WIPF3: variants seen among roughly 807,000 people sequenced by gnomAD.
WIPF3 encodes the protein WAS/WASL interacting protein family member 3, also known as WAS/WASL-interacting protein family member 3.
A neutral mutation model predicts 38.9 loss-of-function variants in WIPF3; 33 were observed. The ratio of observed to expected loss-of-function variants is 0.85; its 90% confidence interval spans 0.64 to 1.14. The LOEUF (loss-of-function observed/expected upper bound fraction) is 1.14, where lower values mean the gene tolerates loss of function less well. Among genes scored for constraint, WIPF3 ranks in the 50% most tolerant of loss-of-function variants. WIPF3 has a pLI of 0.00. For missense variants in WIPF3, 711 were observed against 652.5 expected (o/e 1.09, Z -0.98); for synonymous variants, 324 against 269.3 (o/e 1.20, Z -1.99).
At chr7:29,851,317 G>A (rs1284288018) in intron 2 of WIPF3, among the ~76,000 whole-genome samples, 1 of 152,084 alleles carries the variant, frequency 6.6e-6, no homozygotes, top group Non-Finnish European at 1.5e-5. Context: ...CCTTGGCTCG[G>A]CCACAAGCAA....
rs1562773456 is a variant in WIPF3 at position 29,834,757 on chromosome 7, G to A, written c.33G>A (p.Leu11=). The A allele has an allele frequency of 1.3e-5, 18 of 1,342,518 alleles. No individual in the cohort carries two copies. The highest frequency in any genetic ancestry group is 1.4e-5 in the Non-Finnish European group (15 of 1,043,374). 83.2% of individuals were successfully genotyped at this position (1,342,518 alleles called of 1,614,324 possible). A position where few individuals can be genotyped will look rare whatever the true frequency, so the allele number is the denominator to read the frequency against. The part of the protein sequence containing the change: MPVPPPPPPP[L]PPPPPPLGAP... ...TGCCACCGCCACCCCCACCTCCTCT[G>A]CCTCCACCTCCCCCGCCTCTGGGGG... Residue 11 remains leucine (L), a synonymous_variant, in exon 2 of 9, where the codon CTG becomes CTA. Coordinates refer to ENST00000242140, the MANE Select transcript of WIPF3 (RefSeq NM_001080529.3).
Position 29,809,384 on chromosome 7 carries a change from T to C in WIPF3, c.-58+2706T>C, listed in dbSNP as rs1223602493. Among the ~76,000 whole-genome samples the C allele has an allele frequency of 3.3e-5, 5 of 152,196 alleles. 1 individual carries two copies. The highest frequency in any genetic ancestry group is 1.2e-4 in the African/African-American group (5 of 41,456). On this transcript the variant is annotated intron_variant, in intron 1 of 8. Transcript: ENST00000242140. ...CGAGCATGGTTCTGCATCACAAAGTTATCTTTAGGCAAGTTTGCCTTGTCA... is the reference window on the plus strand; with the variant it reads ...CGAGCATGGTTCTGCATCACAAAGTCATCTTTAGGCAAGTTTGCCTTGTCA...
chr7:29,872,680 C>T (rs1283220373), intron 2 of WIPF3, among the ~76,000 whole-genome samples: 1 of 151,328 alleles, frequency 6.6e-6, no homozygotes, highest in African/African-American at 2.4e-5. Flanking sequence ...CCTGTAGTCC[C>T]AGCAACTCGG....
chr7:29,818,379 G>C (rs2128062276), intron 1 of WIPF3, among the ~76,000 whole-genome samples: 1 of 151,870 alleles, frequency 6.6e-6, no homozygotes, highest in African/African-American at 2.4e-5. Context: ...CTTGAACCTG[G>C]GAGATGGAGG....
chr7:29,866,367 G>T (rs971509560), intron 2 of WIPF3, among the ~76,000 whole-genome samples: 1 of 152,172 alleles, frequency 6.6e-6, no homozygotes, highest in African/African-American at 2.4e-5. Context: ...CCTGCATTTT[G>T]CCCTGCAGCC....
chr7:29,815,855 C>G (rs1297838443), intron 1 of WIPF3, among the ~76,000 whole-genome samples: 1 of 152,130 alleles, frequency 6.6e-6, no homozygotes, highest in African/African-American at 2.4e-5. Flanking sequence ...CCTAGTGCAC[C>G]TGGTCAGTCG....
intron 6 of WIPF3, among the ~76,000 whole-genome samples, chr7:29,888,495 G>A (rs748581635): frequency 0.078 from 2,966 of 37,896 alleles, 33 homozygotes; most frequent in South Asian, 0.34. Context: ...GTGTGTGTGC[G>A]TGTGCGTGTG....
At chr7:29,817,507 A>G (rs998719177) in intron 1 of WIPF3, among the ~76,000 whole-genome samples, 1 of 152,086 alleles carries the variant, frequency 6.6e-6, no homozygotes, top group East Asian at 1.9e-4. Flanking sequence ...ATTCCTTGCA[A>G]TTTAATGTAA....
chr7:29,884,184 T>A lies in WIPF3; in HGVS notation c.690T>A (p.Pro230=). Residue 230 remains proline (P), a synonymous_variant, in exon 5 of 9, where the codon CCT becomes CCA. Coordinates refer to ENST00000242140, the MANE Select transcript of WIPF3 (RefSeq NM_001080529.3). Reference sequence around the variant, plus strand: ...CGCCACCACCTCCACCTCCGCCACCTCCCCCAACGCCACCCCCGCTGCCCC... The same window carrying A: ...CGCCACCACCTCCACCTCCGCCACCACCCCCAACGCCACCCCCGCTGCCCC... The part of the protein sequence containing the change: ...PCAPPPPPPP[P]PPTPPPLPPA... 1 of 919,936 alleles carries A rather than the reference T, an allele frequency of 1.1e-6. No individual in the cohort carries two copies. The highest frequency in any genetic ancestry group is 3.0e-4 in the Middle Eastern group (1 of 3,288). 57.0% of individuals were successfully genotyped at this position (919,936 alleles called of 1,614,324 possible).
Position 29,916,135 on chromosome 7 carries a change from C to T in WIPF3, c.*1619C>T, listed in dbSNP as rs1786610302. ...TCCAGGGGAATGAATCAAGCCCAAA[C>T]TGTAACAGCTAAATAAGTAGAAGTT... On this transcript the variant is annotated 3_prime_UTR_variant, in exon 9 of 9. Coordinates refer to ENST00000242140, the MANE Select transcript of WIPF3 (RefSeq NM_001080529.3). 1.3e-5 allele frequency: 2 copies of T among 152,212 alleles called. No homozygotes were observed. Among genetic ancestry groups the T allele is most frequent in the African/African-American group, 4.8e-5 (2 of 41,448 alleles). The allele number at this position is 152,212 out of a possible 1,614,324, so 9.4% of individuals were successfully genotyped here. A position where few individuals can be genotyped will look rare whatever the true frequency, so the allele number is the denominator to read the frequency against.
At chr7:29,816,498 T>C (rs1410339407) in intron 1 of WIPF3, among the ~76,000 whole-genome samples, 2 of 151,990 alleles carry the variant, frequency 1.3e-5, no homozygotes, top group Non-Finnish European at 2.9e-5. Context: ...TTTTATTTTA[T>C]TTTATTTTTT....
At chr7:29,821,130 A>G (rs941100863) in intron 1 of WIPF3, among the ~76,000 whole-genome samples, 5 of 152,188 alleles carry the variant, frequency 3.3e-5, no homozygotes, top group African/African-American at 1.2e-4. Flanking sequence ...TTGCATGTTT[A>G]AAAACATTTG....
At chr7:29,833,292 A>G (rs1478602554) in intron 1 of WIPF3, among the ~76,000 whole-genome samples, 2 of 152,254 alleles carry the variant, frequency 1.3e-5, no homozygotes, top group Non-Finnish European at 1.5e-5. Context: ...ACTGAATTGT[A>G]TACTTAAAAG....
At chr7:29,817,218 C>T (rs957484692) in intron 1 of WIPF3, among the ~76,000 whole-genome samples, 5 of 152,012 alleles carry the variant, frequency 3.3e-5, no homozygotes, top group African/African-American at 9.7e-5. Flanking sequence ...GTAGGAACAC[C>T]TTATAGAGAA....
At chr7:29,849,219 AGTT>A (rs1785051137) in intron 2 of WIPF3, among the ~76,000 whole-genome samples, 1 of 152,086 alleles carries the variant, frequency 6.6e-6, no homozygotes, top group African/African-American at 2.4e-5. Flanking sequence ...CTAATCGTTG[AGTT>A]GACATATGCA....
chr7:29,888,497 G>A (rs1227027638), intron 6 of WIPF3, among the ~76,000 whole-genome samples: 1 of 38,430 alleles, frequency 2.6e-5, no homozygotes, highest in Non-Finnish European at 6.8e-5. Context: ...GTGTGTGCGT[G>A]TGCGTGTGTG....
At chr7:29,868,204 T>C (rs1421172801) in intron 2 of WIPF3, among the ~76,000 whole-genome samples, 1 of 152,130 alleles carries the variant, frequency 6.6e-6, no homozygotes, top group Non-Finnish European at 1.5e-5. Flanking sequence ...TTGGCAGATA[T>C]GGCAGAGTGG....
At chr7:29,837,508 A>G (rs1422002821) in intron 2 of WIPF3, among the ~76,000 whole-genome samples, 1 of 152,242 alleles carries the variant, frequency 6.6e-6, no homozygotes, top group East Asian at 1.9e-4. Context: ...TTCTTTAAAG[A>G]TGCTTAAATG....
At chr7:29,873,512 A>G (rs1007918336) in intron 2 of WIPF3, among the ~76,000 whole-genome samples, 5 of 152,224 alleles carry the variant, frequency 3.3e-5, no homozygotes, top group Non-Finnish European at 7.3e-5. Flanking sequence ...TTTATAAATA[A>G]AATGAGAGGA....
Sources: allele counts gnomAD v4.1 joint callset (sites outside exome capture counted in the v4.1 genomes callset), GRCh38; gene constraint gnomAD v4.1.1; transcripts MANE v1.5; gene names NCBI Gene and HGNC (gene_info 2026-07-23, HGNC 2026-07-21).